SLC9A9: variants seen among roughly 807,000 people sequenced by gnomAD.
SLC9A9 encodes solute carrier family 9 member A9, also known as sodium/hydrogen exchanger 9.
In SLC9A9, 62 loss-of-function variants were observed where a neutral mutation model predicts 77.8. The observed-to-expected ratio is 0.80, with a 90% CI of 0.65 to 0.98. The LOEUF (loss-of-function observed/expected upper bound fraction) is 0.98. Among genes scored for constraint, SLC9A9 ranks in the 50% least tolerant of loss-of-function variants. SLC9A9 has a pLI of 0.00. For missense variants in SLC9A9, 775 were observed against 774.9 expected (o/e 1.00, Z 0.00); for synonymous variants, 320 against 283.5 (o/e 1.13, Z -1.29).
intron 4 of SLC9A9, among the ~76,000 whole-genome samples, chr3:143,704,514 T>C (rs6782666): frequency 0.49 from 74,896 of 151,800 alleles, 19,133 homozygotes; most frequent in Non-Finnish European, 0.57. Flanking sequence ...TTGATACAGC[T>C]TAACATCCCT....
At chr3:143,670,881 T>C (rs2039145408) in intron 5 of SLC9A9, among the ~76,000 whole-genome samples, 1 of 152,188 alleles carries the variant, frequency 6.6e-6, no homozygotes, top group Admixed American at 6.5e-5. Flanking sequence ...GTTTGTTAAA[T>C]AAAATCAATT....
chr3:143,325,014 T>C (rs996041010), intron 14 of SLC9A9, among the ~76,000 whole-genome samples: 1 of 151,442 alleles, frequency 6.6e-6, no homozygotes, highest in African/African-American at 2.4e-5. Context: ...TCCTTTACTC[T>C]GGCTGGTAAG....
rs1320951773 is a variant in SLC9A9 at position 143,847,955 on chromosome 3, T to C, written c.175+193A>G. On this transcript the variant is annotated intron_variant, in intron 1 of 15. Coordinates refer to ENST00000316549, the MANE Select transcript of SLC9A9 (RefSeq NM_173653.4). ...GAGAACATGACTGTGACATTTGCTCTCGTGACATGGCAAATTTCGGCGGCT... is the reference window on the plus strand; with the variant it reads ...GAGAACATGACTGTGACATTTGCTCCCGTGACATGGCAAATTTCGGCGGCT... 6 of 631,906 alleles carry C rather than the reference T, an allele frequency of 9.5e-6. No individual in the cohort carries two copies. The Admixed American group carries it at 1.5e-4, about 16-fold the overall frequency. 39.1% of individuals were successfully genotyped at this position (631,906 alleles called of 1,614,324 possible).
At chr3:143,847,127 AATGTGCATTGATCTGT>A (rs1281163478) in intron 1 of SLC9A9, among the ~76,000 whole-genome samples, 1 of 152,184 alleles carries the variant, frequency 6.6e-6, no homozygotes, top group Non-Finnish European at 1.5e-5. Context: ...TAGCATATAC[AATGTGCATTGATCTGT>A]ACCCTGAATC....
At chr3:143,498,564 A>G (rs1480205501) in intron 9 of SLC9A9, among the ~76,000 whole-genome samples, 1 of 152,198 alleles carries the variant, frequency 6.6e-6, no homozygotes, top group African/African-American at 2.4e-5. Flanking sequence ...AAAAAAATAA[A>G]TAAATAAGAA....
rs1278606090 is a variant in SLC9A9 at position 143,659,985 on chromosome 3, G to A, written c.650-7625C>T. On this transcript the variant is annotated intron_variant, in intron 5 of 15. Coordinates refer to ENST00000316549, the MANE Select transcript of SLC9A9 (RefSeq NM_173653.4). ...CCGGTACACAAGCTCTCTCTTGCCT[G>A]CCACCGTGTAAGACGTAACTTTGCT... Among the ~76,000 whole-genome samples, 3 of 152,324 alleles carry A rather than the reference G, an allele frequency of 2.0e-5. No homozygotes were observed. The East Asian group carries it at 5.8e-4, about 29-fold the overall frequency.
chr3:143,728,863 C>A (rs1576686546), intron 4 of SLC9A9, among the ~76,000 whole-genome samples: 1 of 151,862 alleles, frequency 6.6e-6, no homozygotes, highest in Non-Finnish European at 1.5e-5. Flanking sequence ...GGATGGTGGT[C>A]CCTGTAACTG....
intron 4 of SLC9A9, among the ~76,000 whole-genome samples, chr3:143,711,981 G>A (rs949105590): frequency 3.9e-5 from 6 of 152,162 alleles, no homozygotes; most frequent in Non-Finnish European, 8.8e-5. Context: ...CAATACCAGA[G>A]AATTGTTATA....
At chr3:143,644,784 G>A (rs1240202877) in intron 6 of SLC9A9, among the ~76,000 whole-genome samples, 1 of 150,754 alleles carries the variant, frequency 6.6e-6, no homozygotes, top group African/African-American at 2.4e-5. Context: ...TTTTAATTAT[G>A]TATCACCCCA....
chr3:143,272,054 C>A (rs996415735), intron 14 of SLC9A9, among the ~76,000 whole-genome samples: 6 of 152,170 alleles, frequency 3.9e-5, no homozygotes, highest in Admixed American at 6.5e-5. Flanking sequence ...AATGAGTTTT[C>A]TGAGTGCTAG....
intron 9 of SLC9A9, among the ~76,000 whole-genome samples, chr3:143,506,123 T>C (rs868182220): frequency 6.6e-6 from 1 of 152,228 alleles, no homozygotes; most frequent in South Asian, 2.1e-4. Context: ...TGCTCAGAGA[T>C]ATTGGTCATG....
intron 14 of SLC9A9, among the ~76,000 whole-genome samples, chr3:143,285,559 T>A (rs1938360421): frequency 6.6e-6 from 1 of 152,080 alleles, no homozygotes. Flanking sequence ...TGCAGCATGA[T>A]CCCTTCCCTA....
At chr3:143,707,442 G>A (rs1900647) in intron 4 of SLC9A9, among the ~76,000 whole-genome samples, 101,221 of 151,702 alleles carry the variant, frequency 0.67, 34,077 homozygotes, top group African/African-American at 0.71. Context: ...TTATAAACAA[G>A]TAAACCCAGC....
At chr3:143,466,990 G>GCAGC in intron 12 of SLC9A9, 47 bp downstream of exon 12, 1 of 1,596,734 alleles carries the variant, frequency 6.3e-7, no homozygotes, top group Non-Finnish European at 8.5e-7. Context: ...ATTGAACAGC[G>GCAGC]CAGCCATGCC....
intron 5 of SLC9A9, among the ~76,000 whole-genome samples, chr3:143,689,263 C>G (rs904488457): frequency 6.6e-6 from 1 of 152,088 alleles, no homozygotes; most frequent in Non-Finnish European, 1.5e-5. Flanking sequence ...CAAAGAAACA[C>G]TGTCAAAATG....
chr3:143,623,570 A>G (rs2038260289), intron 6 of SLC9A9, among the ~76,000 whole-genome samples: 1 of 152,224 alleles, frequency 6.6e-6, no homozygotes, highest in Non-Finnish European at 1.5e-5. Flanking sequence ...AACCAACGAG[A>G]ACAAAGACAC....
chr3:143,441,755 T>A (rs2034739627), intron 12 of SLC9A9, among the ~76,000 whole-genome samples: 1 of 152,070 alleles, frequency 6.6e-6, no homozygotes. Context: ...GAGTTCCCCA[T>A]CTCCGCCCTG....
intron 6 of SLC9A9, among the ~76,000 whole-genome samples, chr3:143,632,396 C>A (rs1210428515): frequency 6.6e-6 from 1 of 152,022 alleles, no homozygotes; most frequent in African/African-American, 2.4e-5. Context: ...TCACAACTGG[C>A]CATATCCAAT....
chr3:143,529,579 GA>G (rs1440415878), intron 9 of SLC9A9, among the ~76,000 whole-genome samples: 1 of 152,132 alleles, frequency 6.6e-6, no homozygotes, highest in Admixed American at 6.5e-5. Context: ...TTTTACTCAA[GA>G]AAACTTGAGA....
Sources: gnomAD v4.1 joint callset for allele counts (sites outside exome capture counted in the v4.1 genomes callset) on GRCh38, gnomAD v4.1.1 for gene constraint, MANE v1.5 for transcripts, NCBI Gene and HGNC (gene_info 2026-07-23, HGNC 2026-07-21) for gene names.